Variants in GTF2H3 observed in about 807,000 individuals in gnomAD.
GTF2H3 encodes general transcription factor IIH subunit 3, also known as TFIIH basal transcription factor complex p34 subunit.
GTF2H3 carries 42 observed loss-of-function variants against 51.1 expected under a neutral mutation model. The ratio of observed to expected loss-of-function variants is 0.82; its 90% CI spans 0.64 to 1.06. The LOEUF is 1.06. GTF2H3 is among the 50% of genes least tolerant of loss of function. GTF2H3 has a pLI of 0.00. For missense variants in GTF2H3, 326 were observed against 366.1 expected, an observed-to-expected ratio of 0.89 and a Z score of 0.89; for synonymous variants, 123 against 123.8, an observed-to-expected ratio of 0.99 and a Z score of 0.04.
At position 123,659,807 on chromosome 12, in the gene GTF2H3, C is replaced by T; in HGVS notation, c.697C>T (p.Pro233Ser). ...GTTTGTTTTACAGTGGGTGTTTCTT[C>T]CCGATCAAGATCAGAGATCTCAGTT... ...LLQYLLWVFL[P>S]DQDQRSQLIL... The change falls in exon 11 of 13, where the codon CCC becomes TCC. Residue 233 changes from proline to serine, a missense_variant. Coordinates refer to ENST00000543341, the MANE Select transcript of GTF2H3 (RefSeq NM_001516.5). 1 of 1,611,856 alleles carries T rather than the reference C, an allele frequency of 6.2e-7. No individual in the cohort carries two copies. The highest frequency in any genetic ancestry group is 8.5e-7 in the Non-Finnish European group (1 of 1,179,304).
chr12:123,650,997 A>G lies in GTF2H3; in HGVS notation c.368A>G (p.Asp123Gly). The G allele has an allele frequency of 1.2e-6, 2 of 1,610,240 alleles. No homozygotes were observed. The highest frequency in any genetic ancestry group is 8.5e-7 in the Non-Finnish European group (1 of 1,176,522). ...EEIKDLMTKS[D>G]IKGQHTETLL... Reference sequence around the variant, plus strand: ...TAATGTTTTCTGTTATTTGCAGGTGACATAAAGGGTCAACATACAGAAACT... The same window carrying G: ...TAATGTTTTCTGTTATTTGCAGGTGGCATAAAGGGTCAACATACAGAAACT... The change falls in exon 5 of 13, where the codon GAC (aspartate) becomes GGC (glycine). Residue 123 changes from aspartate to glycine, a missense_variant. Asp to Gly is a moderately conservative substitution (Grantham distance 94). Transcript: ENST00000543341.
At chr12:123,655,042 A>C (rs1955569976) in intron 8 of GTF2H3, 44 bp downstream of exon 8, 3 of 1,488,034 alleles carry the variant, frequency 2.0e-6, no homozygotes, top group South Asian at 2.3e-5. Context: ...TTCATAACGA[A>C]GGAGTCAATT....
At chr12:123,659,994 G>A (rs868093720) in intron 11 of GTF2H3, 52 bp from the exon 12 acceptor site, 1 of 1,595,168 alleles carries the variant, frequency 6.3e-7, no homozygotes, top group Middle Eastern at 1.7e-4. Flanking sequence ...CAGTTTCTCA[G>A]CTGTGTTGTT....
At position 123,641,014 on chromosome 12, in the gene GTF2H3, C is replaced by T. The variant is rs538062870; in HGVS notation, c.93+1671C>T. Among the ~76,000 whole-genome samples the T allele has an allele frequency of 6.0e-4, 92 of 152,114 alleles. 1 individual carries two copies. Among genetic ancestry groups the T allele is most frequent in the South Asian group, 8.3e-4 (4 of 4,814 alleles). On this transcript the variant is annotated intron_variant, in intron 2 of 12. Coordinates refer to ENST00000543341, the MANE Select transcript of GTF2H3 (RefSeq NM_001516.5). ...TATAAATGTCTATTAGTTTAAGTTG[C>T]GTGATAGCGCACCTATAGTCCCAGC... is the stretch of plus-strand genomic sequence containing the variant.
chr12:123,640,486 G>A (rs11572936), intron 2 of GTF2H3, among the ~76,000 whole-genome samples: 7,078 of 151,344 alleles, frequency 0.047, 546 homozygotes, highest in African/African-American at 0.16. Flanking sequence ...ACAGGCATCC[G>A]TCACCACGCC....
rs1304083068 is a variant in GTF2H3, at chr12:123,660,604, G to A, written c.*369G>A. On this transcript the variant is annotated 3_prime_UTR_variant, in exon 13 of 13. Transcript: ENST00000543341. ...AATGCATGCCATACGAAATTTGAAC[G>A]TAGCTTTGGAAAAAGGGACTATTTG... The A allele has an allele frequency of 1.8e-5, 3 of 163,972 alleles. No homozygotes were observed. The highest frequency in any genetic ancestry group is 7.2e-5 in the African/African-American group (3 of 41,830). 10.2% of individuals were successfully genotyped at this position (163,972 alleles called of 1,614,324 possible).
At chr12:123,633,912 G>C in intron 1 of GTF2H3, 40 bp downstream of exon 1, 5 of 1,608,784 alleles carry the variant, frequency 3.1e-6, no homozygotes, top group Non-Finnish European at 3.4e-6. Flanking sequence ...TCCGGGGCTC[G>C]GCTGTCTCGG....
chr12:123,644,974 A>G (rs1446650317), intron 2 of GTF2H3, among the ~76,000 whole-genome samples: 1 of 152,238 alleles, frequency 6.6e-6, no homozygotes, highest in African/African-American at 2.4e-5. Context: ...ACAATTAGAA[A>G]ACTATAGTTT....
chr12:123,655,067 C>T (rs749656455), intron 8 of GTF2H3, 69 bp downstream of exon 8: 201 of 1,178,514 alleles, frequency 1.7e-4, no homozygotes, highest in Non-Finnish European at 2.2e-4. Flanking sequence ...TTTTTGAATG[C>T]TCTACTCTGA....
At chr12:123,636,109 C>T (rs1032467949) in intron 1 of GTF2H3, among the ~76,000 whole-genome samples, 1 of 152,216 alleles carries the variant, frequency 6.6e-6, no homozygotes, top group East Asian at 1.9e-4. Context: ...AAAAATGCTG[C>T]TAATCTTAAT....
At chr12:123,655,078 G>A in intron 8 of GTF2H3, 80 bp downstream of exon 8, 1 of 1,049,056 alleles carries the variant, frequency 9.5e-7, no homozygotes, top group Non-Finnish European at 1.5e-6. Flanking sequence ...TCTACTCTGA[G>A]GTATTCTGAC....
chr12:123,655,608 T>C, intron 8 of GTF2H3, 163 bp from the exon 9 acceptor site: 1 of 558,996 alleles, frequency 1.8e-6, no homozygotes, highest in Non-Finnish European at 3.2e-6. Context: ...CCCAGCCATG[T>C]CCTGGGTGCT....
chr12:123,635,960 C>A (rs547754168), intron 1 of GTF2H3, among the ~76,000 whole-genome samples: 4 of 152,318 alleles, frequency 2.6e-5, no homozygotes, highest in Non-Finnish European at 5.9e-5. Context: ...TTGGCCTTGC[C>A]ACTTGTTAGC....
chr12:123,648,028 C>A lies in GTF2H3; in HGVS notation c.266C>A (p.Pro89His). Residue 89 changes from proline to histidine, a missense_variant, in exon 4 of 13, where the codon CCT (proline) becomes CAT (histidine). Coordinates refer to ENST00000543341, the MANE Select transcript of GTF2H3 (RefSeq NM_001516.5). ...TTCTTCGGAGACCCTGGCAACCCTC[C>A]TGAATTTAATCCCTCTGGGAGTAAA... ...GDFFGDPGNP[P>H]EFNPSGSKDG... The A allele has an allele frequency of 6.2e-7, 1 of 1,612,602 alleles. No homozygotes were observed. The highest frequency in any genetic ancestry group is 2.2e-5 in the East Asian group (1 of 44,864).
Position 123,659,826 on chromosome 12 carries a change from CTCAG to C in GTF2H3, c.718_721del (p.Gln240Ter). The C allele has an allele frequency of 6.2e-7, 1 of 1,613,306 alleles. No individual in the cohort carries two copies. Among genetic ancestry groups the C allele is most frequent in the Non-Finnish European group, 8.5e-7 (1 of 1,179,500 alleles). ...TTTCTTCCCGATCAAGATCAGAGAT[CTCAG>C]TTAATCCTCCCACCCCCAGTTCATG... On this transcript the variant is annotated frameshift_variant, in exon 11 of 13. Coordinates refer to ENST00000543341, the MANE Select transcript of GTF2H3 (RefSeq NM_001516.5). LOFTEE classifies it high-confidence loss of function.
intron 7 of GTF2H3, among the ~76,000 whole-genome samples, chr12:123,653,912 G>T (rs940016207): frequency 1.3e-5 from 2 of 152,182 alleles, no homozygotes; most frequent in African/African-American, 4.8e-5. Flanking sequence ...GTATATGAGG[G>T]TATCATCAGG....
chr12:123,647,205 C>A (rs1328559297), intron 3 of GTF2H3, among the ~76,000 whole-genome samples: 1 of 149,608 alleles, frequency 6.7e-6, no homozygotes, highest in East Asian at 2.0e-4. Context: ...CTCGGTGGCT[C>A]ACGCCTGTAA....
intron 4 of GTF2H3, among the ~76,000 whole-genome samples, chr12:123,648,886 T>C (rs1955485456): frequency 6.6e-6 from 1 of 152,172 alleles, no homozygotes. Context: ...ACTCCTGGGC[T>C]CAAGCTATCC....
intron 7 of GTF2H3, among the ~76,000 whole-genome samples, chr12:123,653,980 G>A (rs984756319): frequency 6.6e-6 from 1 of 152,134 alleles, no homozygotes; most frequent in African/African-American, 2.4e-5. Flanking sequence ...TATGAAGTCC[G>A]CAAGGAGCAT....
Sources: allele counts gnomAD v4.1 joint callset (sites outside exome capture counted in the v4.1 genomes callset), GRCh38; gene constraint gnomAD v4.1.1; transcripts MANE v1.5; gene names NCBI Gene and HGNC (gene_info 2026-07-23, HGNC 2026-07-21).